Variants in RAP1GDS1 observed in about 807,000 individuals in gnomAD.
RAP1GDS1 encodes the protein Rap1 GTPase-GDP dissociation stimulator 1.
A neutral mutation model predicts 71.1 loss-of-function variants in RAP1GDS1; 35 were observed. That is an observed-to-expected ratio of 0.49 (90% confidence interval 0.38 to 0.65). RAP1GDS1 has a LOEUF of 0.65. Among genes scored for constraint, RAP1GDS1 ranks in the 30% least tolerant of loss-of-function variants. The probability of loss-of-function intolerance (pLI) is 0.00; values close to 1 mark genes in which losing one functional copy is unlikely to be tolerated. For missense variants in RAP1GDS1, 663 were observed against 706.1 expected (o/e 0.94, Z 0.69); for synonymous variants, 229 against 243.1 (o/e 0.94, Z 0.54).
chr4:98,397,478 T>C (rs186191947), intron 6 of RAP1GDS1, among the ~76,000 whole-genome samples: 10 of 151,946 alleles, frequency 6.6e-5, no homozygotes, highest in Admixed American at 6.6e-4. Context: ...ACCCACTCTC[T>C]AAAAACAAAA....
intron 2 of RAP1GDS1, among the ~76,000 whole-genome samples, chr4:98,297,687 A>G (rs951106059): frequency 6.6e-6 from 1 of 151,992 alleles, no homozygotes; most frequent in Non-Finnish European, 1.5e-5. Flanking sequence ...CCCCATCTCT[A>G]TTCCTCTCCT....
intron 4 of RAP1GDS1, among the ~76,000 whole-genome samples, chr4:98,367,382 C>T (rs893864196): frequency 1.3e-5 from 2 of 152,208 alleles, no homozygotes; most frequent in Admixed American, 1.3e-4. Flanking sequence ...GTGGGACCCT[C>T]ATGGAGAACC....
chr4:98,303,304 AC>A (rs764465051), intron 2 of RAP1GDS1, among the ~76,000 whole-genome samples: 9 of 152,170 alleles, frequency 5.9e-5, no homozygotes, highest in Non-Finnish European at 1.0e-4. Context: ...TCACTCTTCA[AC>A]ATGGCTGTTG....
intron 3 of RAP1GDS1, among the ~76,000 whole-genome samples, chr4:98,348,560 T>G (rs1736662068): frequency 1.3e-5 from 2 of 152,224 alleles, no homozygotes; most frequent in Admixed American, 1.3e-4. Flanking sequence ...CCACAATGGT[T>G]GAACCAGTTT....
chr4:98,413,188 C>G (rs887954472), intron 7 of RAP1GDS1, among the ~76,000 whole-genome samples: 1 of 151,546 alleles, frequency 6.6e-6, no homozygotes, highest in African/African-American at 2.4e-5. Flanking sequence ...AGACCTCCCC[C>G]CAGGAATGCA....
intron 11 of RAP1GDS1, among the ~76,000 whole-genome samples, chr4:98,420,559 G>T (rs1748701077): frequency 6.6e-6 from 1 of 151,786 alleles, no homozygotes; most frequent in Non-Finnish European, 1.5e-5. Context: ...CTAGACATGG[G>T]GCTTGTTGCT....
At chr4:98,360,738 T>C (rs1738615933) in intron 4 of RAP1GDS1, among the ~76,000 whole-genome samples, 2 of 152,054 alleles carry the variant, frequency 1.3e-5, no homozygotes, top group Admixed American at 6.6e-5. Flanking sequence ...GCATTTTCCT[T>C]GGCGGTGAGG....
chr4:98,320,785 A>G (rs1426794042), intron 2 of RAP1GDS1, among the ~76,000 whole-genome samples: 3 of 147,078 alleles, frequency 2.0e-5, no homozygotes, highest in African/African-American at 7.6e-5. Flanking sequence ...CACCATCATC[A>G]AAGACCAAAA....
intron 4 of RAP1GDS1, among the ~76,000 whole-genome samples, chr4:98,352,817 C>T (rs1429781019): frequency 2.0e-5 from 3 of 152,110 alleles, no homozygotes. Context: ...TCTGTTATCA[C>T]AAATGATATT....
chr4:98,290,763 T>A (rs1327008993), intron 1 of RAP1GDS1, among the ~76,000 whole-genome samples: 2 of 152,108 alleles, frequency 1.3e-5, no homozygotes, highest in Non-Finnish European at 2.9e-5. Context: ...TATCCAAATG[T>A]ATCAAGGCCT....
chr4:98,269,580 G>T (rs1723167683), intron 1 of RAP1GDS1, among the ~76,000 whole-genome samples: 1 of 152,046 alleles, frequency 6.6e-6, no homozygotes, highest in Non-Finnish European at 1.5e-5. Context: ...TCCGATTAGG[G>T]GTTAACACGT....
intron 2 of RAP1GDS1, among the ~76,000 whole-genome samples, chr4:98,315,833 A>G (rs1730858852): frequency 6.6e-6 from 1 of 152,176 alleles, no homozygotes; most frequent in Non-Finnish European, 1.5e-5. Flanking sequence ...TTACCAAGAA[A>G]GGTGGTGTGT....
At chr4:98,263,582 C>T (rs1382592093) in intron 1 of RAP1GDS1, among the ~76,000 whole-genome samples, 1 of 152,154 alleles carries the variant, frequency 6.6e-6, no homozygotes, top group Admixed American at 6.5e-5. Context: ...CGTAATCTAC[C>T]ATATAATAAA....
chr4:98,361,351 T>C (rs1419662788), intron 4 of RAP1GDS1, among the ~76,000 whole-genome samples: 1 of 152,018 alleles, frequency 6.6e-6, no homozygotes, highest in Non-Finnish European at 1.5e-5. Context: ...GAACAATAAA[T>C]TACATACATT....
chr4:98,322,335 C>T (rs1030416000), intron 2 of RAP1GDS1, among the ~76,000 whole-genome samples: 15 of 88,332 alleles, frequency 1.7e-4, no homozygotes, highest in Non-Finnish European at 2.9e-4. Flanking sequence ...ACTTTAACAC[C>T]CCACTGTCAA....
In RAP1GDS1 at chr4:98,417,391, A is replaced by G; in HGVS notation, c.932A>G (p.Glu311Gly). ...GATGAATCCATGCAGAAGTTATTTGAAGGAGGAAAAGGTAGTGTATTTCAA... is the reference window on the plus strand; with the variant it reads ...GATGAATCCATGCAGAAGTTATTTGGAGGAGGAAAAGGTAGTGTATTTCAA... ...LGDESMQKLF[E>G]GGKGSVFQRV... is the part of the protein sequence containing the mutation. Residue 311 changes from glutamate to glycine, a missense_variant, in exon 9 of 15, where the codon GAA becomes GGA. Coordinates refer to ENST00000408927, the MANE Select transcript of RAP1GDS1 (RefSeq NM_001100427.2). The G allele has an allele frequency of 6.2e-7, 1 of 1,612,608 alleles. No homozygotes were observed. Among genetic ancestry groups the G allele is most frequent in the African/African-American group, 1.3e-5 (1 of 74,988 alleles).
At chr4:98,297,076 AC>A (rs1216002199) in intron 2 of RAP1GDS1, 1 of 166,542 alleles carries the variant, frequency 6.0e-6, no homozygotes, top group Non-Finnish European at 1.3e-5. Context: ...CCCATTTCAT[AC>A]GAGAGTCACG....
rs979547520 is a variant in RAP1GDS1, at chr4:98,293,328, T to C, written c.5-80T>C. The C allele has an allele frequency of 1.3e-5, 12 of 898,196 alleles. No individual in the cohort carries two copies. In the African/African-American group the frequency reaches 1.7e-4, roughly 13 times the overall value. The allele number at this position is 898,196 out of a possible 1,614,324, so 55.6% of individuals were successfully genotyped here. A position where few individuals can be genotyped will look rare whatever the true frequency, so the allele number is the denominator to read the frequency against. On this transcript the variant is annotated intron_variant, in intron 1 of 14. Transcript: ENST00000408927. Reference sequence around the variant, plus strand: ...TATTATAGGAAGCTCTCCAGTTTAGTGGTAACTGTTTATCCTTTTGTCATG... The same window carrying C: ...TATTATAGGAAGCTCTCCAGTTTAGCGGTAACTGTTTATCCTTTTGTCATG...
At chr4:98,364,175 T>G (rs1043607232) in intron 4 of RAP1GDS1, among the ~76,000 whole-genome samples, 5 of 152,162 alleles carry the variant, frequency 3.3e-5, no homozygotes, top group African/African-American at 1.2e-4. Flanking sequence ...TTCAAAAAGT[T>G]AAAATAATCT....
Sources: gnomAD v4.1 joint callset for allele counts (sites outside exome capture counted in the v4.1 genomes callset) on GRCh38, gnomAD v4.1.1 for gene constraint, MANE v1.5 for transcripts, NCBI Gene and HGNC (gene_info 2026-07-23, HGNC 2026-07-21) for gene names.